Variants in CD276 observed in about 807,000 individuals in gnomAD.
CD276 encodes the protein CD276 molecule.
Under a neutral mutation model 50.0 loss-of-function variants are expected in CD276, and 34 were observed. The ratio of observed to expected loss-of-function variants is 0.68; its 90% CI spans 0.52 to 0.91. The LOEUF is 0.91. Among genes scored for constraint, CD276 ranks in the 40% least tolerant of loss-of-function variants. The probability of loss-of-function intolerance (pLI) is 0.00; values close to 1 mark genes in which losing one functional copy is unlikely to be tolerated. For missense variants in CD276, 634 were observed against 717.5 expected, an observed-to-expected ratio of 0.88 and a Z score of 1.33; for synonymous variants, 275 against 313.0, an observed-to-expected ratio of 0.88 and a Z score of 1.28.
At chr15:73,703,195 C>A in intron 4 of CD276, 109 bp downstream of exon 4, 1 of 1,283,020 alleles carries the variant, frequency 7.8e-7, no homozygotes, top group Non-Finnish European at 1.1e-6. Flanking sequence ...CAGCAAGTTG[C>A]CTCCTAATGA....
intron 2 of CD276, 123 bp from the exon 3 acceptor site, chr15:73,702,132 T>A: frequency 1.4e-6 from 1 of 727,956 alleles, no homozygotes; most frequent in Non-Finnish European, 2.2e-6. Context: ...TAAATTACTT[T>A]GGGTCTCAGG....
intron 1 of CD276, among the ~76,000 whole-genome samples, chr15:73,686,853 A>C (rs1899788277): frequency 6.6e-6 from 1 of 152,212 alleles, no homozygotes; most frequent in Non-Finnish European, 1.5e-5. Flanking sequence ...GGGGCTGTTA[A>C]GCTGTGGATC....
chr15:73,694,109 T>G (rs1054342861), intron 1 of CD276, among the ~76,000 whole-genome samples: 1 of 152,182 alleles, frequency 6.6e-6, no homozygotes, highest in Non-Finnish European at 1.5e-5. Context: ...TTGGTGTGGA[T>G]GATCCATAGT....
chr15:73,699,688 G>A lies in CD276; in HGVS notation c.49G>A (p.Ala17Thr), dbSNP rs778534129. Residue 17 changes from alanine (A) to threonine (T), a missense_variant, in exon 2 of 10, where the codon GCC becomes ACC. By Grantham distance (58) the Ala-to-Thr change is moderately conservative. Transcript: ENST00000318443. Reference protein sequence around the residue: ...SPGMGVHVGAALGALWFCLTG... With the variant: ...SPGMGVHVGATLGALWFCLTG... ...TGGCATGGGTGTGCATGTGGGTGCA[G>A]CCCTGGGAGCACTGTGGTTCTGCCT... 2 of 1,611,244 alleles carry A rather than the reference G, an allele frequency of 1.2e-6. No homozygotes were observed. The highest frequency in any genetic ancestry group is 1.7e-5 in the Admixed American group (1 of 59,800).
At chr15:73,691,419 G>A (rs1044748595) in intron 1 of CD276, among the ~76,000 whole-genome samples, 3 of 152,154 alleles carry the variant, frequency 2.0e-5, no homozygotes, top group Non-Finnish European at 2.9e-5. Flanking sequence ...GTCCCAGACC[G>A]TATCCTTCTT....
chr15:73,702,122 T>C (rs1472073749), intron 2 of CD276, 133 bp from the exon 3 acceptor site: 2 of 696,542 alleles, frequency 2.9e-6, no homozygotes, highest in East Asian at 2.7e-5. Flanking sequence ...CCTAAGACAA[T>C]AAATTACTTT....
intron 6 of CD276, among the ~76,000 whole-genome samples, chr15:73,706,031 C>T (rs11574486): frequency 0.024 from 3,633 of 152,250 alleles, 161 homozygotes; most frequent in African/African-American, 0.083. Flanking sequence ...GGGTGGATCA[C>T]TTGAGGTCAG....
chr15:73,712,212 C>G (rs1462742137), intron 9 of CD276: 1 of 151,208 alleles, frequency 6.6e-6, no homozygotes, highest in East Asian at 1.9e-4. Flanking sequence ...AGAATGTGGC[C>G]TGGATGGGCA....
At position 73,702,371 on chromosome 15, in the gene CD276, A is replaced by T. The variant is rs1418611983; in HGVS notation, c.196A>T (p.Ile66Phe). The T allele has an allele frequency of 1.2e-6, 2 of 1,613,522 alleles. No individual in the cohort carries two copies. Among genetic ancestry groups the T allele is most frequent in the African/African-American group, 2.7e-5 (2 of 74,904 alleles). Residue 66 changes from isoleucine to phenylalanine, a missense_variant, in exon 3 of 10, where the codon ATC becomes TTC. By Grantham distance (21) the Ile-to-Phe change is conservative. Transcript: ENST00000318443. Reference sequence around the variant, plus strand: ...CTTCAGCCTGGCACAGCTCAACCTCATCTGGCAGCTGACAGATACCAAACA... The same window carrying T: ...CTTCAGCCTGGCACAGCTCAACCTCTTCTGGCAGCTGACAGATACCAAACA... Reference protein sequence around the residue: ...PGFSLAQLNLIWQLTDTKQLV... With the variant: ...PGFSLAQLNLFWQLTDTKQLV...
Position 73,711,131 on chromosome 15 carries a change from A to G in CD276, c.1547-4A>G. 5.0e-6 allele frequency: 8 copies of G among 1,613,616 alleles called. No individual in the cohort carries two copies. The highest frequency in any genetic ancestry group is 1.7e-4 in the Middle Eastern group (1 of 6,060). On this transcript the variant is annotated splice_polypyrimidine_tract_variant and splice_region_variant and intron_variant, in intron 8 of 9. Transcript: ENST00000318443. ...TCACCGTGTGCGCCTTCCTTTTTTT[A>G]CAGCCCTGCAGCCTCTGAAACACTC... is the stretch of plus-strand genomic sequence containing the variant.
Position 73,698,260 on chromosome 15 carries a change from G to GT in CD276, c.-54-1324dup, listed in dbSNP as rs759849646. 8.5e-5 allele frequency among the ~76,000 whole-genome samples: 13 copies of GT among 152,308 alleles called. No homozygotes were observed. The East Asian group carries it at 1.2e-3, about 14-fold the overall frequency. The stretch of plus-strand genomic sequence containing the variant: ...ATACAGATGTGTTAAGCTAGCAAAT[G>GT]TTCTCTCTCTGCATTCCCACACTCA... On this transcript the variant is annotated intron_variant, in intron 1 of 9. Coordinates refer to ENST00000318443, the MANE Select transcript of CD276 (RefSeq NM_001024736.2).
chr15:73,713,046 T>C lies in CD276; in HGVS notation c.*90T>C, dbSNP rs1360698684. ...CACTGTGAGCCCTGCCCCCAACAGA[T>C]GCATCCTGCTCTGACAGGTGGGCTC... On this transcript the variant is annotated 3_prime_UTR_variant, in exon 10 of 10. Transcript: ENST00000318443. The C allele has an allele frequency of 7.4e-6, 9 of 1,219,602 alleles. No homozygotes were observed. The African/African-American group carries it at 1.2e-4, about 16-fold the overall frequency. 75.5% of individuals were successfully genotyped at this position (1,219,602 alleles called of 1,614,324 possible). A position where few individuals can be genotyped will look rare whatever the true frequency, so the allele number is the denominator to read the frequency against.
At chr15:73,705,234 C>A (rs1394570559) in intron 6 of CD276, among the ~76,000 whole-genome samples, 1 of 152,140 alleles carries the variant, frequency 6.6e-6, no homozygotes, top group African/African-American at 2.4e-5. Flanking sequence ...AGGGACCTCG[C>A]CCTGGTGCAC....
intron 1 of CD276, among the ~76,000 whole-genome samples, chr15:73,696,361 G>T (rs1900177504): frequency 6.6e-6 from 1 of 152,148 alleles, no homozygotes; most frequent in African/African-American, 2.4e-5. Context: ...GTGTTCACAG[G>T]ACACTCTCCC....
rs139792077 is a variant in CD276 at position 73,691,921 on chromosome 15, G to A, written c.-55+7461G>A. On this transcript the variant is annotated intron_variant, in intron 1 of 9. Coordinates refer to ENST00000318443, the MANE Select transcript of CD276 (RefSeq NM_001024736.2). The stretch of plus-strand genomic sequence containing the variant: ...CCTGTCCTGGTGTGGGGTGAACTTG[G>A]AGACAGAATCTCTGAGAAGCTGTCA... Among the ~76,000 whole-genome samples, 33 of 152,238 alleles carry A rather than the reference G, an allele frequency of 2.2e-4. No homozygotes were observed. The East Asian group carries it at 6.2e-3, about 29-fold the overall frequency.
chr15:73,713,674 CT>C lies in CD276; in HGVS notation c.*719del, dbSNP rs531060711. On this transcript the variant is annotated 3_prime_UTR_variant, in exon 10 of 10. Transcript: ENST00000318443. The stretch of plus-strand genomic sequence containing the variant: ...GTGCTGGAACACGTGTGGTTCCCCC[CT>C]GGCCCAGCCTCCTCTGCAGTGCCCC... 4.6e-4 allele frequency: 193 copies of C among 415,708 alleles called. 1 individual carries two copies. Among genetic ancestry groups the C allele is most frequent in the African/African-American group, 3.6e-3 (166 of 46,638 alleles). 25.8% of individuals were successfully genotyped at this position (415,708 alleles called of 1,614,324 possible).
chr15:73,701,845 G>A (rs1404111490), intron 2 of CD276, among the ~76,000 whole-genome samples: 4 of 152,190 alleles, frequency 2.6e-5, no homozygotes, highest in Non-Finnish European at 4.4e-5. Context: ...CATTACTTAC[G>A]CTCATGGGGA....
chr15:73,689,471 GA>G (rs1341973871), intron 1 of CD276, among the ~76,000 whole-genome samples: 1 of 152,026 alleles, frequency 6.6e-6, no homozygotes, highest in Non-Finnish European at 1.5e-5. Flanking sequence ...AGATTATCAG[GA>G]AAAAGGAAGG....
intron 1 of CD276, among the ~76,000 whole-genome samples, chr15:73,695,753 C>T (rs1900150718): frequency 1.3e-5 from 2 of 152,260 alleles, no homozygotes; most frequent in South Asian, 4.1e-4. Flanking sequence ...CAGCTTGCTT[C>T]AGGCATAGCT....
Sources: gnomAD v4.1 joint callset for allele counts (sites outside exome capture counted in the v4.1 genomes callset) on GRCh38, gnomAD v4.1.1 for gene constraint, MANE v1.5 for transcripts, NCBI Gene and HGNC (gene_info 2026-07-23, HGNC 2026-07-21) for gene names.